The following ARB2A variants were observed in gnomAD, a reference collection of about 807,000 sequenced individuals.
ARB2A encodes the protein ARB2 cotranscriptional regulator A, also known as cotranscriptional regulator ARB2A.
At chr5:93,813,012 C>T in the ARB2A span, among the ~76,000 whole-genome samples, 1 of 152,126 alleles carries the variant, frequency 6.6e-6, no homozygotes, top group African/African-American at 2.4e-5. Flanking sequence ...CATGTGAGGA[C>T]ACAATGAGAA....
chr5:94,056,781 G>A, the ARB2A span, among the ~76,000 whole-genome samples: 1 of 152,192 alleles, frequency 6.6e-6, no homozygotes, highest in South Asian at 2.1e-4. Flanking sequence ...CACCCCAAGT[G>A]TACATAGATG....
chr5:93,734,742 G>A, the ARB2A span: 26 of 152,088 alleles, frequency 1.7e-4, no homozygotes, highest in African/African-American at 5.8e-4. Context: ...TTATGCCACT[G>A]AAATTATTAC....
the ARB2A span, among the ~76,000 whole-genome samples, chr5:93,987,223 G>A: frequency 2.0e-5 from 3 of 152,028 alleles, no homozygotes; most frequent in East Asian, 1.9e-4. Context: ...CATCCTAGCC[G>A]CCTCCTAGAA....
chr5:93,918,846 C>T, the ARB2A span, among the ~76,000 whole-genome samples: 2 of 152,176 alleles, frequency 1.3e-5, no homozygotes, highest in African/African-American at 4.8e-5. Context: ...AACAGTGATT[C>T]TTAACCTTGG....
At chr5:93,773,744 C>T in the ARB2A span, among the ~76,000 whole-genome samples, 1 of 152,068 alleles carries the variant, frequency 6.6e-6, no homozygotes, top group South Asian at 2.1e-4. Flanking sequence ...TAAACTTTTC[C>T]ATGATTACCA....
chr5:93,716,142 A>G, the ARB2A span, among the ~76,000 whole-genome samples: 1 of 152,226 alleles, frequency 6.6e-6, no homozygotes. Flanking sequence ...TGAAGAGAAG[A>G]GCAAACTAGT....
the ARB2A span, among the ~76,000 whole-genome samples, chr5:93,705,609 ATGTGTGTGTGTGTGTGTGTGTGTG>A: frequency 1.9e-4 from 24 of 128,740 alleles, no homozygotes; most frequent in Admixed American, 3.2e-4. Flanking sequence ...TTGGGAAAAA[ATGTGTGTGTGTGTGTGTGTGTGTG>A]TGTGTGTGTG....
At chr5:93,958,962 C>A in the ARB2A span, 1 of 1,569,660 alleles carries the variant, frequency 6.4e-7, no homozygotes, top group Non-Finnish European at 8.7e-7. Context: ...CTCTCAGTGG[C>A]ATCTACCTGT....
chr5:93,900,990 T>G, the ARB2A span, among the ~76,000 whole-genome samples: 1 of 152,136 alleles, frequency 6.6e-6, no homozygotes, highest in Non-Finnish European at 1.5e-5. Flanking sequence ...ATTCCAAACT[T>G]TCTGGCATTC....
At chr5:93,799,985 T>C in the ARB2A span, among the ~76,000 whole-genome samples, 1 of 152,086 alleles carries the variant, frequency 6.6e-6, no homozygotes, top group South Asian at 2.1e-4. Context: ...TATTCAAAAG[T>C]ATATGTTATT....
the ARB2A span, among the ~76,000 whole-genome samples, chr5:93,791,667 T>C: frequency 6.6e-6 from 1 of 152,150 alleles, no homozygotes; most frequent in Non-Finnish European, 1.5e-5. Flanking sequence ...TCTTGCAATC[T>C]TTGTTTAATT....
the ARB2A span, chr5:93,741,123 C>T: frequency 4.3e-6 from 7 of 1,613,922 alleles, no homozygotes; most frequent in East Asian, 1.3e-4. Context: ...CAGCGATCCC[C>T]ACATCGGCCT....
At chr5:93,664,634 A>AATAT in the ARB2A span, among the ~76,000 whole-genome samples, 12 of 145,966 alleles carry the variant, frequency 8.2e-5, no homozygotes, top group South Asian at 1.1e-3. Flanking sequence ...TCGTCTCAAA[A>AATAT]ATATATATAT....
chr5:93,641,828 G>A, the ARB2A span, among the ~76,000 whole-genome samples: 2 of 151,984 alleles, frequency 1.3e-5, no homozygotes, highest in Non-Finnish European at 2.9e-5. Context: ...ACCCTCTATT[G>A]AAAAAAGCAT....
At chr5:93,708,525 AG>A in the ARB2A span, among the ~76,000 whole-genome samples, 1 of 152,186 alleles carries the variant, frequency 6.6e-6, no homozygotes, top group South Asian at 2.1e-4. Context: ...GATTCTCATA[AG>A]AAGCTCAACC....
At chr5:93,741,572 T>C in the ARB2A span, 1 of 1,525,318 alleles carries the variant, frequency 6.6e-7, no homozygotes, top group Non-Finnish European at 8.8e-7. Flanking sequence ...ATGGGTGGAA[T>C]GGCACCCGCA....
chr5:93,729,726 A>G, the ARB2A span, among the ~76,000 whole-genome samples: 3 of 152,170 alleles, frequency 2.0e-5, no homozygotes, highest in African/African-American at 7.2e-5. Context: ...TAGATAATGT[A>G]ATAAAATGAA....
At chr5:94,024,282 G>A in the ARB2A span, among the ~76,000 whole-genome samples, 1 of 152,088 alleles carries the variant, frequency 6.6e-6, no homozygotes. Context: ...GCAAAATAAA[G>A]GCTGACCTCA....
At chr5:93,898,247 A>T in the ARB2A span, among the ~76,000 whole-genome samples, 7 of 151,824 alleles carry the variant, frequency 4.6e-5, no homozygotes, top group African/African-American at 1.7e-4. Flanking sequence ...TTTATGCATG[A>T]TCTTCCTGGA....
Sources: gnomAD v4.1 joint callset for allele counts (sites outside exome capture counted in the v4.1 genomes callset) on GRCh38, gnomAD v4.1.1 for gene constraint, MANE v1.5 for transcripts, NCBI Gene and HGNC (gene_info 2026-07-23, HGNC 2026-07-21) for gene names.